The following WWOX variants were observed in gnomAD, a reference collection of about 807,000 sequenced individuals.
WWOX encodes WW domain containing oxidoreductase, also known as WW domain-containing oxidoreductase.
WWOX carries 69 observed loss-of-function variants against 46.2 expected under a neutral mutation model. The observed-to-expected ratio is 1.49, with a 90% CI of 1.23 to 1.82. The LOEUF (loss-of-function observed/expected upper bound fraction) is 1.82. Ranked by LOEUF, WWOX falls within the 40% of genes most tolerant of loss-of-function variation. The pLI, the probability that WWOX is intolerant of heterozygous loss-of-function variation, is 0.00. For missense variants in WWOX, 919 were observed against 542.6 expected (o/e 1.69, Z -6.89); for synonymous variants, 359 against 202.6 (o/e 1.77, Z -6.56).
chr16:78,314,233 C>T (rs2080307582), intron 5 of WWOX, among the ~76,000 whole-genome samples: 1 of 151,756 alleles, frequency 6.6e-6, no homozygotes, highest in Non-Finnish European at 1.5e-5. Context: ...AGTGAAACCC[C>T]GTCTCTACTA....
At chr16:78,279,618 T>A (rs561090843) in intron 5 of WWOX, among the ~76,000 whole-genome samples, 7 of 152,286 alleles carry the variant, frequency 4.6e-5, no homozygotes, top group Admixed American at 1.3e-4. Context: ...CTGCTGGCAG[T>A]GATTTATCCA....
intron 8 of WWOX, among the ~76,000 whole-genome samples, chr16:79,096,233 A>G (rs948585537): frequency 1.3e-5 from 2 of 151,874 alleles, no homozygotes; most frequent in East Asian, 1.9e-4. Flanking sequence ...TTCTTTCTCC[A>G]CGGAGAACCA....
At chr16:78,639,908 G>C (rs1234357562) in intron 8 of WWOX, among the ~76,000 whole-genome samples, 2 of 152,156 alleles carry the variant, frequency 1.3e-5, no homozygotes, top group African/African-American at 4.8e-5. Context: ...TAGGAAGATA[G>C]AGTGGTGATC....
At chr16:78,710,472 T>TTATATA (rs1567507480) in intron 8 of WWOX, among the ~76,000 whole-genome samples, 5 of 29,504 alleles carry the variant, frequency 1.7e-4, no homozygotes, top group African/African-American at 9.0e-4. Flanking sequence ...CTAATGGATC[T>TTATATA]CATATATATA....
chr16:78,669,078 A>G (rs2047399479), intron 8 of WWOX, among the ~76,000 whole-genome samples: 1 of 152,192 alleles, frequency 6.6e-6, no homozygotes, highest in Non-Finnish European at 1.5e-5. Flanking sequence ...TGAAGCTACA[A>G]CTGGAGCTAA....
chr16:78,942,007 A>G (rs372779688), intron 8 of WWOX, among the ~76,000 whole-genome samples: 2 of 152,246 alleles, frequency 1.3e-5, no homozygotes, highest in East Asian at 1.9e-4. Flanking sequence ...GGGTGGAAGT[A>G]TTGGCGAGCA....
chr16:78,660,134 G>A (rs142531473), intron 8 of WWOX, among the ~76,000 whole-genome samples: 1 of 152,142 alleles, frequency 6.6e-6, no homozygotes, highest in Non-Finnish European at 1.5e-5. Flanking sequence ...GTTTCAGAGG[G>A]CCTTTCCCAT....
At chr16:78,867,966 A>G (rs370864336) in intron 8 of WWOX, among the ~76,000 whole-genome samples, 2 of 152,298 alleles carry the variant, frequency 1.3e-5, no homozygotes, top group East Asian at 3.9e-4. Flanking sequence ...ATGAATTTGG[A>G]AACAGTTGTC....
intron 8 of WWOX, among the ~76,000 whole-genome samples, chr16:78,672,702 C>G (rs533373400): frequency 2.6e-5 from 4 of 152,132 alleles, no homozygotes; most frequent in Non-Finnish European, 5.9e-5. Context: ...ACGGGAATGA[C>G]CAAAAAGATT....
chr16:78,511,226 C>T (rs1415277222), intron 8 of WWOX, among the ~76,000 whole-genome samples: 3 of 152,182 alleles, frequency 2.0e-5, no homozygotes, highest in East Asian at 1.9e-4. Flanking sequence ...ACCTCCCCCT[C>T]CCCAGCGCAC....
intron 4 of WWOX, among the ~76,000 whole-genome samples, chr16:78,150,426 A>C (rs2034363334): frequency 6.6e-6 from 1 of 152,088 alleles, no homozygotes; most frequent in African/African-American, 2.4e-5. Flanking sequence ...GCTGCAGTGC[A>C]GTGGTGCAAT....
intron 8 of WWOX, among the ~76,000 whole-genome samples, chr16:79,117,976 C>G (rs2049551201): frequency 1.3e-5 from 2 of 152,224 alleles, no homozygotes; most frequent in Non-Finnish European, 2.9e-5. Flanking sequence ...TGGTTTCTAT[C>G]ATTTGTGTGT....
intron 8 of WWOX, among the ~76,000 whole-genome samples, chr16:78,741,893 A>G (rs373949828): frequency 7.9e-5 from 12 of 152,338 alleles, no homozygotes; most frequent in African/African-American, 2.9e-4. Context: ...AAGATGTTAA[A>G]GTAAATTTTA....
chr16:79,195,398 T>G (rs546014353), intron 8 of WWOX, among the ~76,000 whole-genome samples: 1 of 152,274 alleles, frequency 6.6e-6, no homozygotes, highest in East Asian at 1.9e-4. Flanking sequence ...AGGAAGTCAT[T>G]GATGTGGGCT....
chr16:78,898,333 T>C (rs932387162), intron 8 of WWOX: 3 of 152,128 alleles, frequency 2.0e-5, no homozygotes, highest in African/African-American at 4.8e-5. Context: ...TGTGAGGTAA[T>C]GGTAGAGGTT....
At chr16:79,172,520 T>C (rs958292251) in intron 8 of WWOX, among the ~76,000 whole-genome samples, 1 of 152,128 alleles carries the variant, frequency 6.6e-6, no homozygotes, top group African/African-American at 2.4e-5. Context: ...TGTTTGCTCC[T>C]CCTCACTGAG....
intron 8 of WWOX, among the ~76,000 whole-genome samples, chr16:78,757,379 C>T (rs1482402927): frequency 1.3e-5 from 2 of 152,120 alleles, no homozygotes; most frequent in Non-Finnish European, 2.9e-5. Context: ...TTAGAGGGAG[C>T]TGCGCTTTTG....
chr16:78,966,700 C>G (rs959542673), intron 8 of WWOX, among the ~76,000 whole-genome samples: 1 of 152,174 alleles, frequency 6.6e-6, no homozygotes, highest in Admixed American at 6.5e-5. Flanking sequence ...AGGGTGCACA[C>G]TGTTTAAAGG....
intron 8 of WWOX, among the ~76,000 whole-genome samples, chr16:78,827,389 G>T (rs113366172): frequency 0.016 from 2,433 of 152,184 alleles, 62 homozygotes; most frequent in East Asian, 0.053. Context: ...ACTCACAGAG[G>T]AAGTGGAGCT....
Sources: allele counts gnomAD v4.1 joint callset (sites outside exome capture counted in the v4.1 genomes callset), GRCh38; gene constraint gnomAD v4.1.1; transcripts MANE v1.5; gene names NCBI Gene and HGNC (gene_info 2026-07-23, HGNC 2026-07-21).